Variants in SLCO5A1 observed in about 807,000 individuals in gnomAD.
The protein encoded by SLCO5A1 is solute carrier organic anion transporter family member 5A1, also known as organic anion transporter polypeptide-related protein 4.
Under a neutral mutation model 65.1 loss-of-function variants are expected in SLCO5A1, and 39 were observed. That is an observed-to-expected ratio of 0.60 (90% CI 0.46 to 0.78). The LOEUF (loss-of-function observed/expected upper bound fraction) is 0.78. Ranked by LOEUF, SLCO5A1 falls within the 30% of genes least tolerant of loss-of-function variation. The pLI, the probability that SLCO5A1 is intolerant of heterozygous loss-of-function variation, is 0.00. For missense variants in SLCO5A1, 1,029 were observed against 1,069.4 expected, an observed-to-expected ratio of 0.96 and a Z score of 0.53; for synonymous variants, 438 against 415.7, an observed-to-expected ratio of 1.05 and a Z score of -0.65.
At chr8:69,817,254 T>C (rs1820447476) in intron 2 of SLCO5A1, among the ~76,000 whole-genome samples, 1 of 152,222 alleles carries the variant, frequency 6.6e-6, no homozygotes, top group South Asian at 2.1e-4. Flanking sequence ...TATTTGTCTT[T>C]TTGCCACTAG....
At chr8:69,719,421 C>CATTA (rs1260206215) in intron 5 of SLCO5A1, among the ~76,000 whole-genome samples, 1 of 152,102 alleles carries the variant, frequency 6.6e-6, no homozygotes, top group African/African-American at 2.4e-5. Context: ...TTCAAAAATC[C>CATTA]ATTAATTAAT....
chr8:69,780,801 G>T (rs1180868083), intron 2 of SLCO5A1, among the ~76,000 whole-genome samples: 1 of 151,760 alleles, frequency 6.6e-6, no homozygotes, highest in Non-Finnish European at 1.5e-5. Context: ...AATTATGCTT[G>T]TAACCCATAA....
rs10103580 is a variant in SLCO5A1, at chr8:69,671,493, C to T, written c.*1376G>A. The stretch of plus-strand genomic sequence containing the variant: ...TAACTTGCTGTCAATCCGTTAGCGC[C>T]GTCAGGAAGCATCTATCTTAAGAGC... On this transcript the variant is annotated 3_prime_UTR_variant, in exon 10 of 10. Transcript: ENST00000260126. 0.81 allele frequency: 123,333 copies of T among 152,182 alleles called. 50,536 individuals are homozygous for T. The highest frequency in any genetic ancestry group is 0.87 in the Non-Finnish European group (59,317 of 68,024). The allele number at this position is 152,182 out of a possible 1,614,324, so 9.4% of individuals were successfully genotyped here. A position where few individuals can be genotyped will look rare whatever the true frequency, so the allele number is the denominator to read the frequency against.
chr8:69,752,733 T>C (rs1036131895), intron 4 of SLCO5A1, among the ~76,000 whole-genome samples: 2 of 152,192 alleles, frequency 1.3e-5, no homozygotes, highest in Non-Finnish European at 2.9e-5. Flanking sequence ...GATTAGAGAA[T>C]CCAGTACAAG....
intron 5 of SLCO5A1, among the ~76,000 whole-genome samples, chr8:69,735,127 C>A (rs917848514): frequency 9.8e-5 from 15 of 152,304 alleles, no homozygotes; most frequent in African/African-American, 3.6e-4. Flanking sequence ...GAGATGCCAT[C>A]TCATGCCAGT....
chr8:69,788,577 T>A (rs1388539989), intron 2 of SLCO5A1, among the ~76,000 whole-genome samples: 4 of 152,164 alleles, frequency 2.6e-5, no homozygotes, highest in Non-Finnish European at 5.9e-5. Flanking sequence ...CTCTAAGAAT[T>A]ACTAACATCA....
At chr8:69,802,493 G>C (rs932642397) in intron 2 of SLCO5A1, among the ~76,000 whole-genome samples, 2 of 146,018 alleles carry the variant, frequency 1.4e-5, no homozygotes, top group African/African-American at 5.1e-5. Context: ...CTGAGCAACA[G>C]AGCAAGACCC....
intron 2 of SLCO5A1, among the ~76,000 whole-genome samples, chr8:69,770,386 C>T (rs1365996612): frequency 3.9e-5 from 6 of 152,086 alleles, no homozygotes; most frequent in East Asian, 1.9e-4. Context: ...CTTGAGCCCA[C>T]GAGTTCAAGA....
At chr8:69,737,049 T>C (rs1816591381) in intron 5 of SLCO5A1, among the ~76,000 whole-genome samples, 1 of 152,344 alleles carries the variant, frequency 6.6e-6, no homozygotes, top group South Asian at 2.1e-4. Context: ...ACAATTACAA[T>C]AGTCCACAGC....
chr8:69,709,470 G>A (rs1330709608), intron 5 of SLCO5A1, among the ~76,000 whole-genome samples: 1 of 152,152 alleles, frequency 6.6e-6, no homozygotes, highest in African/African-American at 2.4e-5. Context: ...GCTTTACAAT[G>A]TTAGTTTTTC....
chr8:69,759,537 G>A (rs1048727864), intron 3 of SLCO5A1, among the ~76,000 whole-genome samples: 2 of 152,102 alleles, frequency 1.3e-5, no homozygotes, highest in African/African-American at 4.8e-5. Flanking sequence ...TAAAAACTGA[G>A]GCACAGAGTA....
chr8:69,689,366 G>T (rs1237327604), intron 6 of SLCO5A1, among the ~76,000 whole-genome samples: 11 of 99,084 alleles, frequency 1.1e-4, no homozygotes, highest in South Asian at 4.1e-4. Flanking sequence ...GTCAATTTTG[G>T]CTTTTGTTGC....
At chr8:69,723,639 T>C (rs1216359035) in intron 5 of SLCO5A1, among the ~76,000 whole-genome samples, 2 of 152,178 alleles carry the variant, frequency 1.3e-5, no homozygotes, top group East Asian at 1.9e-4. Context: ...AAAAGGTTCA[T>C]ACTTTAAAAA....
At chr8:69,790,903 G>T (rs1819240230) in intron 2 of SLCO5A1, among the ~76,000 whole-genome samples, 1 of 152,124 alleles carries the variant, frequency 6.6e-6, no homozygotes, top group South Asian at 2.1e-4. Context: ...GAACCAGAAA[G>T]AAAAAAGGCC....
chr8:69,677,352 T>A (rs902039050), intron 8 of SLCO5A1, among the ~76,000 whole-genome samples: 1 of 152,212 alleles, frequency 6.6e-6, no homozygotes, highest in Non-Finnish European at 1.5e-5. Flanking sequence ...AGAAGCCAAC[T>A]GGCGATTTGC....
rs1312784606 is a variant in SLCO5A1, at chr8:69,705,286, T to C, written c.1424-57A>G. The C allele has an allele frequency of 2.6e-6, 4 of 1,546,768 alleles. No homozygotes were observed. The African/African-American group carries it at 5.5e-5, about 21-fold the overall frequency. On this transcript the variant is annotated intron_variant, in intron 5 of 9. Transcript: ENST00000260126. The stretch of plus-strand genomic sequence containing the variant: ...AACTCATGTACACTATTATTCATCT[T>C]ATCTATTCTGTCTCTTGCTCAGTAG...
intron 6 of SLCO5A1, among the ~76,000 whole-genome samples, chr8:69,691,789 T>C (rs1814270659): frequency 6.6e-6 from 1 of 152,192 alleles, no homozygotes; most frequent in African/African-American, 2.4e-5. Context: ...AGAATGCACT[T>C]ACACAAACCT....
At chr8:69,728,466 CAAATT>C (rs1409608329) in intron 5 of SLCO5A1, among the ~76,000 whole-genome samples, 1 of 151,990 alleles carries the variant, frequency 6.6e-6, no homozygotes, top group Admixed American at 6.5e-5. Context: ...AAACCAAAAA[CAAATT>C]AAAACAAACA....
rs139285747 is a variant in SLCO5A1 at position 69,711,725 on chromosome 8, G to A, written c.1424-6496C>T. 1.3e-3 allele frequency among the ~76,000 whole-genome samples: 197 copies of A among 152,218 alleles called. 4 individuals are homozygous for A. The highest frequency in any genetic ancestry group is 4.6e-3 in the African/African-American group (191 of 41,534). On this transcript the variant is annotated intron_variant, in intron 5 of 9. Coordinates refer to ENST00000260126, the MANE Select transcript of SLCO5A1 (RefSeq NM_030958.3). Reference sequence around the variant, plus strand: ...AAATTACTGAACATTTCCAGGCCTCGGATTTTCTCCTCTCTGAAATGTGGA... The same window carrying A: ...AAATTACTGAACATTTCCAGGCCTCAGATTTTCTCCTCTCTGAAATGTGGA...
Sources: gnomAD v4.1 joint callset for allele counts (sites outside exome capture counted in the v4.1 genomes callset) on GRCh38, gnomAD v4.1.1 for gene constraint, MANE v1.5 for transcripts, NCBI Gene and HGNC (gene_info 2026-07-23, HGNC 2026-07-21) for gene names.